Variants in RNF216 observed in about 807,000 individuals in gnomAD.
The protein encoded by RNF216 is E3 ubiquitin-protein ligase RNF216.
In RNF216, 72 loss-of-function variants were observed where a neutral mutation model predicts 110.8. The ratio of observed to expected loss-of-function variants is 0.65; its 90% confidence interval spans 0.54 to 0.79. The LOEUF (loss-of-function observed/expected upper bound fraction) is 0.79, where lower values mean the gene tolerates loss of function less well. RNF216 is among the 30% of genes least tolerant of loss of function. The pLI, the probability that RNF216 is intolerant of heterozygous loss-of-function variation, is 0.00. For missense variants in RNF216, 1,342 were observed against 1,141.2 expected (o/e 1.18, Z -2.54); for synonymous variants, 495 against 407.5 (o/e 1.21, Z -2.59).
At chr7:5,683,057 A>T (rs912177867) in intron 13 of RNF216, among the ~76,000 whole-genome samples, 2 of 152,182 alleles carry the variant, frequency 1.3e-5, no homozygotes, top group African/African-American at 4.8e-5. Context: ...TGTCATGCTA[A>T]GTTAAAAAAC....
intron 13 of RNF216, among the ~76,000 whole-genome samples, chr7:5,683,036 A>G (rs1263372618): frequency 2.0e-5 from 3 of 152,216 alleles, no homozygotes; most frequent in Non-Finnish European, 2.9e-5. Flanking sequence ...TTAAGAATGC[A>G]GAAAGTGCTA....
rs1792709514 is a variant in RNF216 at position 5,711,781 on chromosome 7, G to C, written c.2041C>G (p.Pro681Ala). ...CCTACCTTTCGGCAGTGAGGATTAG[G>C]ACAGCTGAACCTCTTCACATCACTG... Reference protein sequence around the residue: ...LDSDVKRFSCPNPHCRKETCR... With the variant: ...LDSDVKRFSCANPHCRKETCR... The change falls in exon 13 of 17, where the codon CCT (proline) becomes GCT (alanine). Residue 681 changes from proline to alanine, a missense_variant. Coordinates refer to ENST00000389902, the MANE Select transcript of RNF216 (RefSeq NM_207111.4). The C allele has an allele frequency of 6.2e-7, 1 of 1,613,562 alleles. No homozygotes were observed. The highest frequency in any genetic ancestry group is 8.5e-7 in the Non-Finnish European group (1 of 1,179,850).
At chr7:5,765,787 C>CAAA (rs56903968) in intron 1 of RNF216, among the ~76,000 whole-genome samples, 1 of 123,252 alleles carries the variant, frequency 8.1e-6, no homozygotes, top group East Asian at 2.1e-4. Context: ...TACTAAAATA[C>CAAA]AAAAAAAAAA....
chr7:5,745,783 C>T (rs2128657916), intron 3 of RNF216, among the ~76,000 whole-genome samples: 1 of 151,764 alleles, frequency 6.6e-6, no homozygotes, highest in South Asian at 2.1e-4. Context: ...ACCTGTAATC[C>T]CAGCTACTCT....
At chr7:5,663,831 G>C (rs1183638139) in intron 13 of RNF216, among the ~76,000 whole-genome samples, 1 of 152,154 alleles carries the variant, frequency 6.6e-6, no homozygotes, top group Admixed American at 6.5e-5. Flanking sequence ...CCAGAAGGCA[G>C]AGGGTGCAAT....
Position 5,622,120 on chromosome 7 carries a change from C to T in RNF216, c.*740G>A, listed in dbSNP as rs982651918. On this transcript the variant is annotated 3_prime_UTR_variant, in exon 17 of 17. Transcript: ENST00000389902. ...CCTCTGTCCCAGCTGCCTTAAGAGGCTCTTTCAATGGGCCAGCTTCAGAAC... is the reference window on the plus strand; with the variant it reads ...CCTCTGTCCCAGCTGCCTTAAGAGGTTCTTTCAATGGGCCAGCTTCAGAAC... 7 of 152,282 alleles carry T rather than the reference C, an allele frequency of 4.6e-5. No homozygotes were observed. Among genetic ancestry groups the T allele is most frequent in the African/African-American group, 1.4e-4 (6 of 41,458 alleles). 9.4% of individuals were successfully genotyped at this position (152,282 alleles called of 1,614,324 possible).
At chr7:5,730,319 A>ACAC (rs1276766201) in intron 6 of RNF216, among the ~76,000 whole-genome samples, 6 of 152,242 alleles carry the variant, frequency 3.9e-5, no homozygotes, top group Admixed American at 1.3e-4. Context: ...TACCAGTGGT[A>ACAC]GGTATATAAA....
chr7:5,690,482 G>A (rs570288544), intron 13 of RNF216, among the ~76,000 whole-genome samples: 24 of 152,248 alleles, frequency 1.6e-4, no homozygotes, highest in African/African-American at 5.5e-4. Flanking sequence ...ATCAGCTGCT[G>A]CCACAGAATG....
chr7:5,726,857 TA>T (rs1268067556), intron 7 of RNF216, among the ~76,000 whole-genome samples: 3,623 of 135,140 alleles, frequency 0.027, 47 homozygotes, highest in African/African-American at 0.035. Context: ...GACTCTGTCT[TA>T]AAAAAAAAAA....
chr7:5,775,649 T>G (rs972566179), intron 1 of RNF216, among the ~76,000 whole-genome samples: 2 of 151,802 alleles, frequency 1.3e-5, no homozygotes, highest in Non-Finnish European at 2.9e-5. Context: ...GTGAGTGGAT[T>G]ATTTGAGGTC....
chr7:5,705,707 G>A (rs953021938), intron 13 of RNF216, among the ~76,000 whole-genome samples: 4 of 152,020 alleles, frequency 2.6e-5, no homozygotes, highest in African/African-American at 7.3e-5. Flanking sequence ...TCAGGAGTTC[G>A]AGACCAGACG....
At chr7:5,634,497 T>C (rs1239494262) in intron 15 of RNF216, among the ~76,000 whole-genome samples, 4 of 152,032 alleles carry the variant, frequency 2.6e-5, no homozygotes, top group Non-Finnish European at 5.9e-5. Flanking sequence ...AACAGGAAGT[T>C]GGGGGAGGGA....
At chr7:5,713,269 G>A (rs1422285702) in intron 11 of RNF216, 1 of 158,812 alleles carries the variant, frequency 6.3e-6, no homozygotes, top group African/African-American at 2.4e-5. Context: ...GTAATAAACT[G>A]AAAACAGGGA....
At position 5,686,617 on chromosome 7, in the gene RNF216, G is replaced by C. The variant is rs577935356; in HGVS notation, c.2061+25144C>G. The stretch of plus-strand genomic sequence containing the variant: ...GTGAGGCTCACTTAGAACTGCACTT[G>C]TCAACTATTTCTTTAAATACATGTG... On this transcript the variant is annotated intron_variant, in intron 13 of 16. Transcript: ENST00000389902. 7.9e-5 allele frequency among the ~76,000 whole-genome samples: 12 copies of C among 152,314 alleles called. No homozygotes were observed. In the East Asian group the frequency reaches 2.3e-3, roughly 29 times the overall value.
At chr7:5,720,360 T>G (rs1288053632) in intron 9 of RNF216, among the ~76,000 whole-genome samples, 1 of 152,242 alleles carries the variant, frequency 6.6e-6, no homozygotes, top group Non-Finnish European at 1.5e-5. Flanking sequence ...AAATATATTT[T>G]CCTTCTCATT....
intron 1 of RNF216, among the ~76,000 whole-genome samples, chr7:5,772,022 T>A (rs1796525342): frequency 6.6e-6 from 1 of 152,092 alleles, no homozygotes; most frequent in Non-Finnish European, 1.5e-5. Flanking sequence ...TCACCTGAGC[T>A]CAGGAGTTCG....
chr7:5,714,661 T>C (rs1204384388), intron 11 of RNF216, among the ~76,000 whole-genome samples: 1 of 152,272 alleles, frequency 6.6e-6, no homozygotes, highest in African/African-American at 2.4e-5. Context: ...GTGTTTGTTA[T>C]GCTGGTGTCC....
At chr7:5,770,221 G>A (rs546805097) in intron 1 of RNF216, among the ~76,000 whole-genome samples, 6 of 151,772 alleles carry the variant, frequency 4.0e-5, no homozygotes, top group South Asian at 2.1e-4. Context: ...CAGCACTTTC[G>A]GAGGCCAAGG....
chr7:5,749,673 C>T (rs1249097867), intron 3 of RNF216, among the ~76,000 whole-genome samples: 1 of 152,176 alleles, frequency 6.6e-6, no homozygotes, highest in Non-Finnish European at 1.5e-5. Flanking sequence ...TCTTTGCAAG[C>T]AATTATAATC....
Sources: allele counts gnomAD v4.1 joint callset (sites outside exome capture counted in the v4.1 genomes callset), GRCh38; gene constraint gnomAD v4.1.1; transcripts MANE v1.5; gene names NCBI Gene and HGNC (gene_info 2026-07-23, HGNC 2026-07-21).